Variants in IGSF3 observed in about 807,000 individuals in gnomAD.
The protein encoded by IGSF3 is glu-Trp-Ile EWI motif-containing protein 3.
A neutral mutation model predicts 114.4 loss-of-function variants in IGSF3; 23 were observed. The observed-to-expected ratio is 0.20, with a 90% confidence interval of 0.14 to 0.28. IGSF3 has a LOEUF of 0.28. Among genes scored for constraint, IGSF3 ranks in the 10% least tolerant of loss-of-function variants. The pLI, the probability that IGSF3 is intolerant of heterozygous loss-of-function variation, is 1.00. For synonymous variants in IGSF3, 571 were observed against 645.2 expected (o/e 0.88, Z 1.74); for missense variants, 1,172 against 1,591.5 (o/e 0.74, Z 4.48).
chr1:116,600,180 G>T lies in IGSF3; in HGVS notation c.1790C>A (p.Thr597Asn), dbSNP rs749776466. 2.5e-6 allele frequency: 4 copies of T among 1,614,092 alleles called. No individual in the cohort carries two copies. In the East Asian group the frequency reaches 6.7e-5, roughly 27 times the overall value. Reference protein sequence around the residue: ...VGTVEFHDLVTFTRDGGVQWG... With the variant: ...VGTVEFHDLVNFTRDGGVQWG... ...CTGGACCCCTCCGTCCCGGGTGAAG[G>T]TCACCAAGTCATGGAACTCCACCGT... is the stretch of plus-strand genomic sequence containing the variant. Residue 597 changes from threonine (T) to asparagine (N), a missense_variant, in exon 7 of 11, where the codon ACC becomes AAC. This residue lies in a region of IGSF3 where 736 missense variants were observed against 1,042.0 expected (regional missense o/e 0.71). Coordinates refer to ENST00000369486, the MANE Select transcript of IGSF3 (RefSeq NM_001007237.3). The surrounding 1 kb of genome is among the most constrained non-coding windows in gnomAD (Gnocchi z 5.5).
chr1:116,583,952 C>T lies in IGSF3; in HGVS notation c.2848+693G>A, dbSNP rs888612679. The stretch of plus-strand genomic sequence containing the variant: ...CTGTAATCCCACCACTTTGAAAAGC[C>T]GAGGCGGTGGTGGGGGTCACGAGGT... On this transcript the variant is annotated intron_variant, in intron 9 of 10. Coordinates refer to ENST00000369486, the MANE Select transcript of IGSF3 (RefSeq NM_001007237.3). This position sits in a 1 kb window ranked among gnomAD's most constrained non-coding sequence, Gnocchi z 4.5. Among the ~76,000 whole-genome samples, 1 of 152,076 alleles carries T rather than the reference C, an allele frequency of 6.6e-6. No individual in the cohort carries two copies. The highest frequency in any genetic ancestry group is 6.6e-5 in the Admixed American group (1 of 15,254).
chr1:116,615,286 TAC>T lies in IGSF3; in HGVS notation c.421+792_421+793del, dbSNP rs149128129. Among the ~76,000 whole-genome samples, 744 of 142,612 alleles carry T rather than the reference TAC, an allele frequency of 5.2e-3. 6 individuals carry two copies. Among genetic ancestry groups the T allele is most frequent in the Middle Eastern group, 0.036 (10 of 280 alleles). The allele number at this position is 142,612 out of a possible 152,430, so 93.6% of individuals were successfully genotyped here. A position where few individuals can be genotyped will look rare whatever the true frequency, so the allele number is the denominator to read the frequency against. The stretch of plus-strand genomic sequence containing the variant: ...CGAAGCTCCATCACACATACACACA[TAC>T]ACACACACACACACACACGAAAAAA... On this transcript the variant is annotated intron_variant, in intron 3 of 10. Coordinates refer to ENST00000369486, the MANE Select transcript of IGSF3 (RefSeq NM_001007237.3). The surrounding 1 kb of genome is among the most constrained non-coding windows in gnomAD (Gnocchi z 4.3).
Position 116,627,259 on chromosome 1 carries a change from A to T in IGSF3, c.44-10802T>A, listed in dbSNP as rs1647333089. ...CATCACTCGAACCAGTAAGTGCCTC[A>T]TTCCTTCTCACAGCATACATTTCAC... On this transcript the variant is annotated intron_variant, in intron 2 of 10. Coordinates refer to ENST00000369486, the MANE Select transcript of IGSF3 (RefSeq NM_001007237.3). The surrounding 1 kb of genome is among the most constrained non-coding windows in gnomAD (Gnocchi z 4.7). Among the ~76,000 whole-genome samples, 2 of 152,204 alleles carry T rather than the reference A, an allele frequency of 1.3e-5. No homozygotes were observed. Among genetic ancestry groups the T allele is most frequent in the African/African-American group, 2.4e-5 (1 of 41,446 alleles).
Position 116,584,638 on chromosome 1 carries a change from C to A in IGSF3, c.2848+7G>T. ...GGGAGTGGAAGCTTGGGGACGTGGACCCTCACCTGGTCGCATGACTGTCAG... is the reference window on the plus strand; with the variant it reads ...GGGAGTGGAAGCTTGGGGACGTGGAACCTCACCTGGTCGCATGACTGTCAG... On this transcript the variant is annotated splice_region_variant and intron_variant, in intron 9 of 10. Coordinates refer to ENST00000369486, the MANE Select transcript of IGSF3 (RefSeq NM_001007237.3). This position sits in a 1 kb window ranked among gnomAD's most constrained non-coding sequence, Gnocchi z 5.8. The A allele has an allele frequency of 6.2e-7, 1 of 1,614,000 alleles. No individual in the cohort carries two copies. The highest frequency in any genetic ancestry group is 8.5e-7 in the Non-Finnish European group (1 of 1,179,910).
chr1:116,646,796 A>G (rs1648395830), intron 2 of IGSF3: 1 of 152,264 alleles, frequency 6.6e-6, no homozygotes, highest in Admixed American at 6.5e-5. Flanking sequence ...CTGTGTTTCA[A>G]GTGATGCTAA....
At chr1:116,621,576 T>C (rs1047734642) in intron 2 of IGSF3, among the ~76,000 whole-genome samples, 4 of 152,104 alleles carry the variant, frequency 2.6e-5, no homozygotes, top group Non-Finnish European at 5.9e-5. Flanking sequence ...AATAAACATC[T>C]ATTGTTCCTT....
intron 6 of IGSF3, among the ~76,000 whole-genome samples, chr1:116,602,097 C>T (rs947404792): frequency 4.6e-5 from 7 of 152,142 alleles, no homozygotes; most frequent in African/African-American, 9.7e-5. Context: ...GTCTAGAGTG[C>T]CCTCCCATTC....
rs1200709871 is a variant in IGSF3, at chr1:116,614,057, A to G, written c.540T>C (p.Ser180=). Residue 180 remains serine (S), a synonymous_variant, in exon 4 of 11, where the codon TCT becomes TCC. Transcript: ENST00000369486. This position sits in a 1 kb window ranked among gnomAD's most constrained non-coding sequence, Gnocchi z 4.5. ...ASETIQHSHL[S]VAWLRQKVGE... Reference sequence around the variant, plus strand: ...CAACTTTCTGCCGGAGCCAGGCCACAGACAGGTGGCTGTGCTGAATGGTCT... The same window carrying G: ...CAACTTTCTGCCGGAGCCAGGCCACGGACAGGTGGCTGTGCTGAATGGTCT... 16 of 1,614,078 alleles carry G rather than the reference A, an allele frequency of 9.9e-6. No homozygotes were observed. The highest frequency in any genetic ancestry group is 1.3e-5 in the Non-Finnish European group (15 of 1,180,040).
intron 2 of IGSF3, among the ~76,000 whole-genome samples, chr1:116,653,581 C>G (rs55716605): frequency 6.6e-6 from 1 of 152,114 alleles, no homozygotes; most frequent in Non-Finnish European, 1.5e-5. Context: ...ACAAAGATGA[C>G]GTGCATCAGA....
chr1:116,623,552 G>A (rs1238945190), intron 2 of IGSF3, among the ~76,000 whole-genome samples: 1 of 152,034 alleles, frequency 6.6e-6, no homozygotes, highest in Non-Finnish European at 1.5e-5. Context: ...CGGGTGTGAT[G>A]GCACACGCTA....
intron 4 of IGSF3, among the ~76,000 whole-genome samples, chr1:116,613,230 G>A (rs184239925): frequency 2.0e-5 from 3 of 152,156 alleles, no homozygotes; most frequent in Admixed American, 2.0e-4. Context: ...AAAGCATTTT[G>A]GAAATTAAAA....
Position 116,593,158 on chromosome 1 carries a change from C to T in IGSF3, c.2030-4054G>A, listed in dbSNP as rs1660192026. 6.6e-6 allele frequency among the ~76,000 whole-genome samples: 1 copy of T among 152,222 alleles called. No homozygotes were observed. Among genetic ancestry groups the T allele is most frequent in the Non-Finnish European group, 1.5e-5 (1 of 68,032 alleles). ...CCTCAGGGTGCACGCCATGGATCTG[C>T]AGATCAGCATCACCTGGGAATCTGC... is the stretch of plus-strand genomic sequence containing the variant. On this transcript the variant is annotated intron_variant, in intron 7 of 10. Transcript: ENST00000369486. This position sits in a 1 kb window ranked among gnomAD's most constrained non-coding sequence, Gnocchi z 4.5.
chr1:116,641,353 G>A lies in IGSF3; in HGVS notation c.44-24896C>T, dbSNP rs569013326. ...TCTACTAAAAATACAAAAATTAGCC[G>A]GGTATGGTGGCGTGTACCTGTAATC... On this transcript the variant is annotated intron_variant, in intron 2 of 10. Coordinates refer to ENST00000369486, the MANE Select transcript of IGSF3 (RefSeq NM_001007237.3). Among the ~76,000 whole-genome samples the A allele has an allele frequency of 3.0e-4, 46 of 151,938 alleles. 1 individual carries two copies. Among genetic ancestry groups the A allele is most frequent in the South Asian group, 8.3e-4 (4 of 4,812 alleles).
chr1:116,645,228 T>C (rs1007995245), intron 2 of IGSF3, among the ~76,000 whole-genome samples: 14 of 152,240 alleles, frequency 9.2e-5, no homozygotes, highest in Non-Finnish European at 2.1e-4. Context: ...TCAAAAGCAC[T>C]GTGCTGAGTG....
intron 2 of IGSF3, among the ~76,000 whole-genome samples, chr1:116,641,499 A>C (rs1180975024): frequency 7.1e-6 from 1 of 141,564 alleles, no homozygotes; most frequent in Admixed American, 6.8e-5. Context: ...CTGTCTCAAA[A>C]AAAAAAAAAA....
In IGSF3 at chr1:116,600,138, G is replaced by A. The variant is rs773444882; in HGVS notation, c.1832C>T (p.Ser611Phe). Residue 611 changes from serine to phenylalanine, a missense_variant, in exon 7 of 11, where the codon TCC (serine) becomes TTC (phenylalanine). By Grantham distance (155) the Ser-to-Phe change is radical. This residue lies in a region of IGSF3 where 736 missense variants were observed against 1,042.0 expected (regional missense o/e 0.71). Transcript: ENST00000369486. The surrounding 1 kb of genome is among the most constrained non-coding windows in gnomAD (Gnocchi z 5.5). ...GATGGCAGTTCGGGTTCGGAAGCTGGAGGACCTGTCCCCCCACTGGACCCC... is the reference window on the plus strand; with the variant it reads ...GATGGCAGTTCGGGTTCGGAAGCTGAAGGACCTGTCCCCCCACTGGACCCC... ...DGGVQWGDRS[S>F]SFRTRTAIEK... The A allele has an allele frequency of 3.7e-6, 6 of 1,614,132 alleles. No homozygotes were observed. The South Asian group carries it at 5.5e-5, about 15-fold the overall frequency.
chr1:116,576,013 C>G lies in IGSF3; in HGVS notation c.*1299G>C, dbSNP rs1037279278. ...ACAAAGGGCTGCGTCTGGACTGCCC[C>G]CAGGCTGATATTCTTATGGCAGTGA... On this transcript the variant is annotated 3_prime_UTR_variant, in exon 11 of 11. Transcript: ENST00000369486. This position sits in a 1 kb window ranked among gnomAD's most constrained non-coding sequence, Gnocchi z 4.6. 1 of 152,124 alleles carries G rather than the reference C, an allele frequency of 6.6e-6. No homozygotes were observed. Among genetic ancestry groups the G allele is most frequent in the African/African-American group, 2.4e-5 (1 of 41,424 alleles). The allele number at this position is 152,124 out of a possible 1,614,324, so 9.4% of individuals were successfully genotyped here.
Position 116,638,167 on chromosome 1 carries a change from G to C in IGSF3, c.44-21710C>G, listed in dbSNP as rs1647922288. ...TTTGTGGTTTCCTGCAGTCTAACTAGCTACAAATCTCAAAGCCAAAGATTG... is the reference window on the plus strand; with the variant it reads ...TTTGTGGTTTCCTGCAGTCTAACTACCTACAAATCTCAAAGCCAAAGATTG... On this transcript the variant is annotated intron_variant, in intron 2 of 10. Coordinates refer to ENST00000369486, the MANE Select transcript of IGSF3 (RefSeq NM_001007237.3). This position sits in a 1 kb window ranked among gnomAD's most constrained non-coding sequence, Gnocchi z 4.1. Among the ~76,000 whole-genome samples, 1 of 152,062 alleles carries C rather than the reference G, an allele frequency of 6.6e-6. No homozygotes were observed. The highest frequency in any genetic ancestry group is 2.4e-5 in the African/African-American group (1 of 41,410).
chr1:116,663,452 A>G (rs78404456), intron 2 of IGSF3, among the ~76,000 whole-genome samples: 5,278 of 151,734 alleles, frequency 0.035, 306 homozygotes, highest in African/African-American at 0.12. Context: ...GTTCAACCAG[A>G]GCCAGGCTTA....
Sources: allele counts gnomAD v4.1 joint callset (sites outside exome capture counted in the v4.1 genomes callset), GRCh38; gene constraint gnomAD v4.1.1; regional missense constraint gnomAD v4.1.1; non-coding constraint Gnocchi (gnomAD v3.1); transcripts MANE v1.5; gene names NCBI Gene and HGNC (gene_info 2026-07-23, HGNC 2026-07-21).